The following C15orf40 variants were observed in gnomAD, a reference collection of about 807,000 sequenced individuals.
The protein encoded by C15orf40 is chromosome 15 open reading frame 40, also known as UPF0235 protein C15orf40.
A neutral mutation model predicts 13.9 loss-of-function variants in C15orf40; 9 were observed. The ratio of observed to expected loss-of-function variants is 0.65; its 90% confidence interval spans 0.39 to 1.13. The LOEUF (loss-of-function observed/expected upper bound fraction) is 1.13, where lower values mean the gene tolerates loss of function less well. Among genes scored for constraint, C15orf40 ranks in the 50% most tolerant of loss-of-function variants. C15orf40 has a pLI of 0.01. For missense variants in C15orf40, 225 were observed against 188.5 expected, an observed-to-expected ratio of 1.19 and a Z score of -1.13; for synonymous variants, 95 against 69.2, an observed-to-expected ratio of 1.37 and a Z score of -1.85.
chr15:83,009,096 A>G (rs2031856921), intron 2 of C15orf40, among the ~76,000 whole-genome samples: 1 of 152,150 alleles, frequency 6.6e-6, no homozygotes, highest in Non-Finnish European at 1.5e-5. Flanking sequence ...GGGTTTCCTC[A>G]ACAGGAAAAT....
intron 1 of C15orf40, chr15:83,010,651 A>C: frequency 3.3e-6 from 1 of 301,388 alleles, no homozygotes; most frequent in Non-Finnish European, 6.2e-6. Flanking sequence ...TGTATTTCCA[A>C]TTCCTTGGGG....
In C15orf40 at chr15:83,011,578, G is replaced by A. The variant is rs930484742; in HGVS notation, c.30C>T (p.His10=). 49 of 1,600,678 alleles carry A rather than the reference G, an allele frequency of 3.1e-5. No homozygotes were observed. Among genetic ancestry groups the A allele is most frequent in the Non-Finnish European group, 4.0e-5 (47 of 1,176,812 alleles). Reference sequence around the variant, plus strand: ...CCCGAGTATTGGGTGTTGCCCGAAGGTGCCTCAGCCCGCTGCGGAGCCGCA... The same window carrying A: ...CCCGAGTATTGGGTGTTGCCCGAAGATGCCTCAGCCCGCTGCGGAGCCGCA... MLRLRSGLR[H]LRATPNTRGS... is the part of the protein sequence containing the mutation. The change falls in exon 1 of 4, where the codon CAC becomes CAT. Residue 10 remains histidine (H), a synonymous_variant. Coordinates refer to ENST00000304177, the MANE Select transcript of C15orf40 (RefSeq NM_144597.3).
rs1420156587 is a variant in C15orf40 at position 83,001,895 on chromosome 15, T to C, written c.*3702A>G. The C allele has an allele frequency of 1.3e-5, 2 of 150,770 alleles. No homozygotes were observed. Among genetic ancestry groups the C allele is most frequent in the Non-Finnish European group, 2.9e-5 (2 of 68,130 alleles). 9.3% of individuals were successfully genotyped at this position (150,770 alleles called of 1,614,324 possible). A position where few individuals can be genotyped will look rare whatever the true frequency, so the allele number is the denominator to read the frequency against. On this transcript the variant is annotated 3_prime_UTR_variant, in exon 4 of 4. Coordinates refer to ENST00000304177, the MANE Select transcript of C15orf40 (RefSeq NM_144597.3). ...CCTCCAACAGTAGTTTGTTTTGTTT[T>C]GTTTGTTTCTGTTTTTTTGTTGTTG...
downstream of C15orf40, among the ~76,000 whole-genome samples, chr15:82,991,239 AT>A (rs988888767): frequency 6.6e-6 from 1 of 152,116 alleles, no homozygotes; most frequent in Non-Finnish European, 1.5e-5. Flanking sequence ...TGACAAAAAA[AT>A]ATATATATTT....
At chr15:82,989,838 T>G (rs768827464), downstream of C15orf40, 1 of 1,600,512 alleles carries the variant, frequency 6.2e-7, no homozygotes, top group Non-Finnish European at 8.5e-7. Context: ...ATGTTTTTTT[T>G]AACAAGGGAA....
In C15orf40 at chr15:83,010,651, A is replaced by G. The variant is rs79034314; in HGVS notation, c.112-288T>C. On this transcript the variant is annotated intron_variant, in intron 1 of 3. Coordinates refer to ENST00000304177, the MANE Select transcript of C15orf40 (RefSeq NM_144597.3). ...CTCCTCCCTCTGCTTTGTATTTCCAATTCCTTGGGGGCAGGGATCATTTAT... is the reference window on the plus strand; with the variant it reads ...CTCCTCCCTCTGCTTTGTATTTCCAGTTCCTTGGGGGCAGGGATCATTTAT... 2.5e-3 allele frequency: 741 copies of G among 301,388 alleles called. 10 individuals are homozygous for G. The highest frequency in any genetic ancestry group is 0.015 in the African/African-American group (704 of 46,524). 18.7% of individuals were successfully genotyped at this position (301,388 alleles called of 1,614,324 possible).
chr15:83,009,600 C>T (rs2031885826), intron 2 of C15orf40, among the ~76,000 whole-genome samples: 2 of 152,150 alleles, frequency 1.3e-5, no homozygotes, highest in African/African-American at 4.8e-5. Flanking sequence ...TCCCTTCCCC[C>T]AATTTTCTCC....
At chr15:82,990,530 G>A, downstream of C15orf40, 1 of 835,840 alleles carries the variant, frequency 1.2e-6, no homozygotes, top group South Asian at 1.7e-5. Flanking sequence ...GCAGTTGAAA[G>A]GTAAAACAAT....
rs1405364452 is a variant in C15orf40 at position 83,001,800 on chromosome 15, T to C, written c.*3797A>G. 6.6e-6 allele frequency: 1 copy of C among 152,274 alleles called. No individual in the cohort carries two copies. Among genetic ancestry groups the C allele is most frequent in the Non-Finnish European group, 1.5e-5 (1 of 68,094 alleles). 9.4% of individuals were successfully genotyped at this position (152,274 alleles called of 1,614,324 possible). A position where few individuals can be genotyped will look rare whatever the true frequency, so the allele number is the denominator to read the frequency against. ...AGACAATTAAGTTGTGAGGCTGCTG[T>C]AGACTATCTTGTTTGCAGTGGGGAA... On this transcript the variant is annotated 3_prime_UTR_variant, in exon 4 of 4. Transcript: ENST00000304177.
rs548288414 is a variant in C15orf40 at position 83,000,719 on chromosome 15, G to A, written c.*4878C>T. On this transcript the variant is annotated 3_prime_UTR_variant, in exon 4 of 4. Coordinates refer to ENST00000304177, the MANE Select transcript of C15orf40 (RefSeq NM_144597.3). ...TCTAAAATTTATACTCTGCATTACA[G>A]CTAAAGAACTATGTAACCAAATCCC... is the stretch of plus-strand genomic sequence containing the variant. 6.6e-6 allele frequency: 1 copy of A among 152,356 alleles called. No individual in the cohort carries two copies. Among genetic ancestry groups the A allele is most frequent in the African/African-American group, 2.4e-5 (1 of 41,586 alleles). 9.4% of individuals were successfully genotyped at this position (152,356 alleles called of 1,614,324 possible). A position where few individuals can be genotyped will look rare whatever the true frequency, so the allele number is the denominator to read the frequency against.
At position 83,004,837 on chromosome 15, in the gene C15orf40, C is replaced by G. The variant is rs755983750; in HGVS notation, c.*760G>C. On this transcript the variant is annotated 3_prime_UTR_variant, in exon 4 of 4. Coordinates refer to ENST00000304177, the MANE Select transcript of C15orf40 (RefSeq NM_144597.3). The stretch of plus-strand genomic sequence containing the variant: ...TTGTAAACTGGATTAGAAGGCAATC[C>G]CCAGAATTCCAGAACCGTTGTGGAG... The G allele has an allele frequency of 1.1e-5, 14 of 1,283,096 alleles. No individual in the cohort carries two copies. The highest frequency in any genetic ancestry group is 1.5e-5 in the African/African-American group (1 of 65,282). 79.5% of individuals were successfully genotyped at this position (1,283,096 alleles called of 1,614,324 possible). A position where few individuals can be genotyped will look rare whatever the true frequency, so the allele number is the denominator to read the frequency against.
rs1320876763 is a variant in C15orf40, at chr15:83,003,199, C to G, written c.*2398G>C. 2 of 146,816 alleles carry G rather than the reference C, an allele frequency of 1.4e-5. No homozygotes were observed. The highest frequency in any genetic ancestry group is 3.0e-5 in the Non-Finnish European group (2 of 67,546). The allele number at this position is 146,816 out of a possible 1,614,324, so 9.1% of individuals were successfully genotyped here. On this transcript the variant is annotated 3_prime_UTR_variant, in exon 4 of 4. Coordinates refer to ENST00000304177, the MANE Select transcript of C15orf40 (RefSeq NM_144597.3). ...AGAGTGCAATGGCACGATCTCAGCT[C>G]ACCGCAACCTCCAACTCCCGGGTTC...
At position 83,008,715 on chromosome 15, in the gene C15orf40, C is replaced by A. The variant is rs190463970; in HGVS notation, c.239-40G>T. ...GTGTGGACTTTATCCTTAAGGAGTT[C>A]TTTTTCTTCATGAAGCAAGGACATT... is the stretch of plus-strand genomic sequence containing the variant. On this transcript the variant is annotated intron_variant, in intron 2 of 3. Coordinates refer to ENST00000304177, the MANE Select transcript of C15orf40 (RefSeq NM_144597.3). The A allele has an allele frequency of 1.3e-5, 20 of 1,537,376 alleles. No homozygotes were observed. In the Admixed American group the frequency reaches 1.8e-4, roughly 14 times the overall value.
chr15:83,007,473 T>G (rs1427979052), intron 3 of C15orf40, among the ~76,000 whole-genome samples: 1 of 152,182 alleles, frequency 6.6e-6, no homozygotes, highest in Non-Finnish European at 1.5e-5. Flanking sequence ...TGAAGGAGAC[T>G]AAATAGGAAG....
intron 3 of C15orf40, among the ~76,000 whole-genome samples, chr15:83,005,972 C>T (rs1483170981): frequency 6.6e-6 from 1 of 152,184 alleles, no homozygotes; most frequent in African/African-American, 2.4e-5. Flanking sequence ...TGGCTCACGC[C>T]TGTAATCCCA....
Position 83,005,960 on chromosome 15 carries a change from G to A in C15orf40, c.367-268C>T, listed in dbSNP as rs186050826. Among the ~76,000 whole-genome samples, 10 of 152,206 alleles carry A rather than the reference G, an allele frequency of 6.6e-5. 1 individual carries two copies. The East Asian group carries it at 7.7e-4, about 12-fold the overall frequency. On this transcript the variant is annotated intron_variant, in intron 3 of 3. Transcript: ENST00000304177. Reference sequence around the variant, plus strand: ...AAAATCTCAAAAATGGGCCAGGCGCGGTGGCTCACGCCTGTAATCCCAGCA... The same window carrying A: ...AAAATCTCAAAAATGGGCCAGGCGCAGTGGCTCACGCCTGTAATCCCAGCA...
chr15:83,006,421 C>A, intron 3 of C15orf40: 1 of 985,290 alleles, frequency 1.0e-6, no homozygotes, highest in Non-Finnish European at 1.2e-6. Context: ...CAAAAAGTAG[C>A]CACATATCCA....
intron 2 of C15orf40, among the ~76,000 whole-genome samples, chr15:83,009,789 G>A (rs1444690881): frequency 6.6e-6 from 1 of 152,122 alleles, no homozygotes; most frequent in East Asian, 1.9e-4. Flanking sequence ...ACCCATGAAT[G>A]TTTTATACTG....
rs1005917703 is a variant in C15orf40, at chr15:83,002,552, T to C, written c.*3045A>G. The C allele has an allele frequency of 1.3e-5, 2 of 152,252 alleles. No homozygotes were observed. The highest frequency in any genetic ancestry group is 2.9e-5 in the Non-Finnish European group (2 of 68,052). The allele number at this position is 152,252 out of a possible 1,614,324, so 9.4% of individuals were successfully genotyped here. Reference sequence around the variant, plus strand: ...AGTTACTGCTTTAGGGAACTTGTGTTATAGAATGGCATTCCCTGATCACAG... The same window carrying C: ...AGTTACTGCTTTAGGGAACTTGTGTCATAGAATGGCATTCCCTGATCACAG... On this transcript the variant is annotated 3_prime_UTR_variant, in exon 4 of 4. Transcript: ENST00000304177.
Sources: gnomAD v4.1 joint callset for allele counts (sites outside exome capture counted in the v4.1 genomes callset) on GRCh38, gnomAD v4.1.1 for gene constraint, MANE v1.5 for transcripts, NCBI Gene and HGNC (gene_info 2026-07-23, HGNC 2026-07-21) for gene names.